TAF4B: variants seen among roughly 807,000 people sequenced by gnomAD.
The protein encoded by TAF4B is transcription initiation factor TFIID subunit 4B.
TAF4B carries 38 observed loss-of-function variants against 86.4 expected under a neutral mutation model. The observed-to-expected ratio is 0.44, with a 90% CI of 0.34 to 0.58. The LOEUF (loss-of-function observed/expected upper bound fraction) is 0.58. TAF4B is among the 20% of genes least tolerant of loss of function. The pLI is 0.02. For synonymous variants in TAF4B, 388 were observed against 391.2 expected (o/e 0.99, Z 0.10); for missense variants, 988 against 1,027.6 (o/e 0.96, Z 0.53).
chr18:26,368,675 C>T (rs2057387015), intron 14 of TAF4B, among the ~76,000 whole-genome samples: 2 of 151,718 alleles, frequency 1.3e-5, no homozygotes, highest in African/African-American at 4.8e-5. Flanking sequence ...TAGAACATGC[C>T]GTTACCTTAG....
chr18:26,244,632 A>G (rs1460572604), intron 1 of TAF4B, among the ~76,000 whole-genome samples: 3 of 152,202 alleles, frequency 2.0e-5, no homozygotes, highest in Admixed American at 1.3e-4. Flanking sequence ...GGATGCAGCA[A>G]TCACCGGTCT....
In TAF4B at chr18:26,261,205, G is replaced by A. The variant is rs868519524; in HGVS notation, c.344-3965G>A. Among the ~76,000 whole-genome samples, 68 of 113,596 alleles carry A rather than the reference G, an allele frequency of 6.0e-4. 1 individual carries two copies. The South Asian group carries it at 0.018, about 29-fold the overall frequency. 74.5% of individuals were successfully genotyped at this position (113,596 alleles called of 152,430 possible). A position where few individuals can be genotyped will look rare whatever the true frequency, so the allele number is the denominator to read the frequency against. On this transcript the variant is annotated intron_variant, in intron 1 of 14. Transcript: ENST00000269142. ...TTTTTTTTTTTTTTTTTTTTGAGAC[G>A]GAGTCTCGCTCTGTCGCCCAGGCTG... is the stretch of plus-strand genomic sequence containing the variant.
intron 10 of TAF4B, 141 bp downstream of exon 10, chr18:26,315,539 A>C: frequency 1.9e-6 from 1 of 533,192 alleles, no homozygotes; most frequent in South Asian, 5.1e-5. Context: ...TTTCATGGGC[A>C]TTACAGAAAG....
chr18:26,331,124 C>T (rs1000820748), intron 12 of TAF4B, among the ~76,000 whole-genome samples: 1 of 152,170 alleles, frequency 6.6e-6, no homozygotes, highest in Non-Finnish European at 1.5e-5. Flanking sequence ...ACACCCACTG[C>T]ACTGGGAAGA....
chr18:26,298,425 G>T (rs2056690752), intron 9 of TAF4B, among the ~76,000 whole-genome samples: 1 of 151,948 alleles, frequency 6.6e-6, no homozygotes, highest in African/African-American at 2.4e-5. Context: ...GTAGAGACGG[G>T]TTTTCACCAT....
Position 26,327,550 on chromosome 18 carries a change from A to G in TAF4B, c.2259+410A>G, listed in dbSNP as rs939790501. 3.9e-5 allele frequency among the ~76,000 whole-genome samples: 6 copies of G among 152,170 alleles called. No individual in the cohort carries two copies. In the East Asian group the frequency reaches 1.2e-3, roughly 29 times the overall value. On this transcript the variant is annotated intron_variant, in intron 12 of 14. Coordinates refer to ENST00000269142, the MANE Select transcript of TAF4B (RefSeq NM_005640.3). Reference sequence around the variant, plus strand: ...AATACAGGCTGGGTGGAAATAGAGTAAAAGAATAGCGAGGCTTCTTTATTT... The same window carrying G: ...AATACAGGCTGGGTGGAAATAGAGTGAAAGAATAGCGAGGCTTCTTTATTT...
At chr18:26,335,148 T>C (rs752701373) in intron 12 of TAF4B, 27 bp from the exon 13 acceptor site, 1 of 1,546,342 alleles carries the variant, frequency 6.5e-7, no homozygotes, top group South Asian at 1.1e-5. Context: ...TAGTAATTTC[T>C]ATTAAAATTT....
At chr18:26,244,732 T>C (rs2055896466) in intron 1 of TAF4B, among the ~76,000 whole-genome samples, 1 of 152,216 alleles carries the variant, frequency 6.6e-6, no homozygotes, top group Non-Finnish European at 1.5e-5. Flanking sequence ...CTAGAAATTA[T>C]CCTTATAAGA....
intron 14 of TAF4B, 68 bp from the exon 15 acceptor site, chr18:26,389,777 A>T: frequency 6.5e-7 from 1 of 1,533,252 alleles, no homozygotes; most frequent in East Asian, 2.3e-5. Context: ...CTGACATGCT[A>T]GAATTGACAG....
Position 26,227,113 on chromosome 18 carries a change from G to A in TAF4B, c.180G>A (p.Gln60=), listed in dbSNP as rs1676933986. Residue 60 remains glutamine (Q), a synonymous_variant, in exon 1 of 15, where the codon CAG becomes CAA. Coordinates refer to ENST00000269142, the MANE Select transcript of TAF4B (RefSeq NM_005640.3). ...VSVCVEPTAS[Q]PLRSPVGTLV... is the part of the protein sequence containing the mutation. ...TCTGCGTGGAGCCCACGGCGTCCCAGCCCCTGCGGTCCCCCGTGGGGACCC... is the reference window on the plus strand; with the variant it reads ...TCTGCGTGGAGCCCACGGCGTCCCAACCCCTGCGGTCCCCCGTGGGGACCC... 6.2e-7 allele frequency: 1 copy of A among 1,613,086 alleles called. No individual in the cohort carries two copies.
At chr18:26,306,394 T>A (rs1421747503) in intron 9 of TAF4B, among the ~76,000 whole-genome samples, 1 of 152,212 alleles carries the variant, frequency 6.6e-6, no homozygotes, top group Admixed American at 6.5e-5. Context: ...TGATATCTGC[T>A]GTCTTGAGGT....
At chr18:26,357,843 C>T in intron 14 of TAF4B, 49 bp downstream of exon 14, 1 of 1,422,734 alleles carries the variant, frequency 7.0e-7, no homozygotes. Flanking sequence ...AGAAAGCAAG[C>T]CAAAAAGAAG....
chr18:26,298,695 A>G (rs778692631), intron 9 of TAF4B, among the ~76,000 whole-genome samples: 2 of 151,606 alleles, frequency 1.3e-5, no homozygotes, highest in Admixed American at 6.6e-5. Context: ...ACCATGCCCA[A>G]GTAACTTTTT....
chr18:26,295,549 G>A (rs746387595), intron 9 of TAF4B, among the ~76,000 whole-genome samples: 6 of 152,190 alleles, frequency 3.9e-5, no homozygotes, highest in Non-Finnish European at 5.9e-5. Flanking sequence ...GACAGGAGTT[G>A]GAGCTCAGGC....
intron 1 of TAF4B, among the ~76,000 whole-genome samples, chr18:26,245,215 G>A (rs1054187909): frequency 3.3e-5 from 5 of 152,274 alleles, no homozygotes; most frequent in Admixed American, 6.5e-5. Context: ...AAAGGGGTCC[G>A]ATGGTCCTTA....
chr18:26,327,210 T>C, intron 12 of TAF4B, 70 bp downstream of exon 12: 2 of 1,542,246 alleles, frequency 1.3e-6, no homozygotes. Context: ...TATCGTTGGT[T>C]GACTGTCTTG....
Position 26,389,915 on chromosome 18 carries a change from G to T in TAF4B, c.2492G>T (p.Arg831Ile). The T allele has an allele frequency of 6.2e-7, 1 of 1,614,152 alleles. No individual in the cohort carries two copies. ...GCCACCAAACAGTTGCATCGTCCAAGAATCACGAGAATCTGCCTCAGGGAC... is the reference window on the plus strand; with the variant it reads ...GCCACCAAACAGTTGCATCGTCCAATAATCACGAGAATCTGCCTCAGGGAC... ...LTATKQLHRP[R>I]ITRICLRDLI... The change falls in exon 15 of 15, where the codon AGA becomes ATA. Residue 831 changes from arginine (R) to isoleucine (I), a missense_variant. Arg to Ile is a moderately conservative substitution (Grantham distance 97). Coordinates refer to ENST00000269142, the MANE Select transcript of TAF4B (RefSeq NM_005640.3).
intron 14 of TAF4B, among the ~76,000 whole-genome samples, chr18:26,362,009 A>C (rs1171441878): frequency 1.3e-5 from 2 of 152,066 alleles, no homozygotes; most frequent in African/African-American, 4.8e-5. Flanking sequence ...AATTCCTTTG[A>C]GAATGTGTTA....
intron 1 of TAF4B, among the ~76,000 whole-genome samples, chr18:26,238,094 T>A (rs185210363): frequency 3.6e-4 from 55 of 152,320 alleles, no homozygotes; most frequent in Non-Finnish European, 1.5e-4. Flanking sequence ...TGGCCCTTAC[T>A]GACGCATTCT....
Sources: gnomAD v4.1 joint callset for allele counts (sites outside exome capture counted in the v4.1 genomes callset) on GRCh38, gnomAD v4.1.1 for gene constraint, MANE v1.5 for transcripts, NCBI Gene and HGNC (gene_info 2026-07-23, HGNC 2026-07-21) for gene names.